SLIT2: variants seen among roughly 807,000 people sequenced by gnomAD.
The protein encoded by SLIT2 is slit homolog 2 protein.
A neutral mutation model predicts 185.7 loss-of-function variants in SLIT2; 41 were observed. That is an observed-to-expected ratio of 0.22 (90% CI 0.17 to 0.29). SLIT2 has a LOEUF of 0.29. Among genes scored for constraint, SLIT2 ranks in the 10% least tolerant of loss-of-function variants. SLIT2 has a pLI of 1.00. For synonymous variants in SLIT2, 693 were observed against 680.2 expected (o/e 1.02, Z -0.29); for missense variants, 1,571 against 1,909.0 (o/e 0.82, Z 3.30).
At chr4:20,398,638 C>G (rs1010216948) in intron 4 of SLIT2, among the ~76,000 whole-genome samples, 1 of 151,682 alleles carries the variant, frequency 6.6e-6, no homozygotes, top group African/African-American at 2.4e-5. Context: ...TTTACTCAGT[C>G]ATGTATTGTT....
intron 33 of SLIT2, among the ~76,000 whole-genome samples, chr4:20,608,046 A>G (rs897743234): frequency 2.0e-5 from 3 of 151,392 alleles, no homozygotes; most frequent in Non-Finnish European, 4.4e-5. Flanking sequence ...ATTCTTTACT[A>G]AAAAAGATTC....
intron 4 of SLIT2, among the ~76,000 whole-genome samples, chr4:20,410,668 T>C (rs1328089699): frequency 6.6e-6 from 1 of 152,170 alleles, no homozygotes; most frequent in Non-Finnish European, 1.5e-5. Flanking sequence ...ATTTATTAAA[T>C]AGGGAATTCT....
intron 4 of SLIT2, among the ~76,000 whole-genome samples, chr4:20,372,199 T>G (rs1467124612): frequency 1.3e-5 from 2 of 152,070 alleles, no homozygotes; most frequent in African/African-American, 4.8e-5. Context: ...GTCTTAGAGG[T>G]GGGTTGATTC....
At chr4:20,587,920 A>C (rs1727196599) in intron 29 of SLIT2, among the ~76,000 whole-genome samples, 1 of 152,308 alleles carries the variant, frequency 6.6e-6, no homozygotes, top group Admixed American at 6.5e-5. Context: ...AATGACATTT[A>C]TTATGTATCT....
chr4:20,313,252 G>C (rs1305301302), intron 4 of SLIT2, among the ~76,000 whole-genome samples: 1 of 152,170 alleles, frequency 6.6e-6, no homozygotes, highest in Non-Finnish European at 1.5e-5. Flanking sequence ...ATGGCTTTTG[G>C]TGAGGCCTCA....
rs1281381450 is a variant in SLIT2 at position 20,472,560 on chromosome 4, A to C, written c.467+4737A>C. 3.2e-4 allele frequency among the ~76,000 whole-genome samples: 9 copies of C among 27,770 alleles called. 4 individuals are homozygous for C. Among genetic ancestry groups the C allele is most frequent in the Admixed American group, 6.0e-4 (1 of 1,666 alleles). 18.2% of individuals were successfully genotyped at this position (27,770 alleles called of 152,430 possible). ...TATATCTATATCTATATATAGATAT[A>C]TATCTATATATAGATATATCTATAT... On this transcript the variant is annotated intron_variant, in intron 5 of 36. Transcript: ENST00000504154.
chr4:20,300,632 A>G (rs999257930), intron 4 of SLIT2, among the ~76,000 whole-genome samples: 2 of 152,014 alleles, frequency 1.3e-5, no homozygotes, highest in African/African-American at 4.8e-5. Flanking sequence ...AAATATAGAC[A>G]TCCTCTTTGT....
In SLIT2 at chr4:20,253,471, CA is replaced by C; in HGVS notation, c.-344del. 1 of 326,582 alleles carries C rather than the reference CA, an allele frequency of 3.1e-6. No homozygotes were observed. The highest frequency in any genetic ancestry group is 5.7e-6 in the Non-Finnish European group (1 of 175,804). The allele number at this position is 326,582 out of a possible 1,614,324, so 20.2% of individuals were successfully genotyped here. On this transcript the variant is annotated 5_prime_UTR_variant, in exon 1 of 37. Transcript: ENST00000504154. ...GCATCTTAGCAGCCGTTGGAAGCCC[CA>C]GCTCTTTTACCGCCAAGTTCATCCT...
At chr4:20,571,950 G>T (rs938615111) in intron 29 of SLIT2, among the ~76,000 whole-genome samples, 1 of 152,162 alleles carries the variant, frequency 6.6e-6, no homozygotes, top group Non-Finnish European at 1.5e-5. Context: ...AGATCTGAGA[G>T]CAATCTGACA....
At chr4:20,565,034 C>T (rs1039861697) in intron 26 of SLIT2, among the ~76,000 whole-genome samples, 2 of 151,860 alleles carry the variant, frequency 1.3e-5, no homozygotes, top group Non-Finnish European at 2.9e-5. Context: ...CCAGTATACT[C>T]GATTAAATTC....
chr4:20,589,287 C>T (rs1727312191), intron 29 of SLIT2, among the ~76,000 whole-genome samples: 1 of 152,194 alleles, frequency 6.6e-6, no homozygotes, highest in South Asian at 2.1e-4. Flanking sequence ...CCAATTTATT[C>T]ATCCTTTGGG....
intron 9 of SLIT2, among the ~76,000 whole-genome samples, chr4:20,497,311 A>G (rs1048098870): frequency 2.0e-5 from 3 of 152,078 alleles, no homozygotes; most frequent in Non-Finnish European, 4.4e-5. Flanking sequence ...AAAAACCTTC[A>G]ATTGTGAAGT....
chr4:20,596,816 C>CA (rs1728016318), intron 32 of SLIT2, among the ~76,000 whole-genome samples, 161 bp downstream of exon 32: 2 of 151,918 alleles, frequency 1.3e-5, no homozygotes, highest in African/African-American at 4.8e-5. Context: ...TTTTTCTCTT[C>CA]AACATTTGTA....
intron 22 of SLIT2, among the ~76,000 whole-genome samples, chr4:20,547,351 A>G (rs1198870066): frequency 6.6e-6 from 1 of 152,122 alleles, no homozygotes; most frequent in Non-Finnish European, 1.5e-5. Context: ...CTTTCAAGCC[A>G]GCTCGAAATG....
chr4:20,321,394 A>G (rs981135498), intron 4 of SLIT2, among the ~76,000 whole-genome samples: 5 of 152,144 alleles, frequency 3.3e-5, no homozygotes, highest in African/African-American at 1.2e-4. Context: ...TAGCAGGAAA[A>G]TCTTCAGGGG....
chr4:20,536,109 A>T (rs1577878424), intron 18 of SLIT2, among the ~76,000 whole-genome samples: 1 of 152,212 alleles, frequency 6.6e-6, no homozygotes. Flanking sequence ...AATAAAAAAG[A>T]TGGTACAAAA....
chr4:20,565,858 A>G (rs1335298008), intron 26 of SLIT2, among the ~76,000 whole-genome samples: 1 of 152,044 alleles, frequency 6.6e-6, no homozygotes, highest in Non-Finnish European at 1.5e-5. Context: ...TTTAATCGAT[A>G]GGAAAGCTAA....
chr4:20,535,731 A>G lies in SLIT2; in HGVS notation c.1832+2016A>G, dbSNP rs139517688. On this transcript the variant is annotated intron_variant, in intron 18 of 36. Coordinates refer to ENST00000504154, the MANE Select transcript of SLIT2 (RefSeq NM_004787.4). ...TGTTTCTTCAAATGAGTTTTCTTCTATCTGCTCATAGGGAGAGAGAATGAG... is the reference window on the plus strand; with the variant it reads ...TGTTTCTTCAAATGAGTTTTCTTCTGTCTGCTCATAGGGAGAGAGAATGAG... Among the ~76,000 whole-genome samples the G allele has an allele frequency of 3.3e-3, 510 of 152,266 alleles. 5 individuals carry two copies. The highest frequency in any genetic ancestry group is 0.011 in the African/African-American group (449 of 41,560).
intron 4 of SLIT2, among the ~76,000 whole-genome samples, chr4:20,325,524 C>G (rs1719502961): frequency 6.6e-6 from 1 of 151,824 alleles, no homozygotes; most frequent in Admixed American, 6.6e-5. Flanking sequence ...TAACAAGTGC[C>G]TTAGAAAATA....
Sources: allele counts gnomAD v4.1 joint callset (sites outside exome capture counted in the v4.1 genomes callset), GRCh38; gene constraint gnomAD v4.1.1; transcripts MANE v1.5; gene names NCBI Gene and HGNC (gene_info 2026-07-23, HGNC 2026-07-21).